FAM149B1: variants seen among roughly 807,000 people sequenced by gnomAD.
FAM149B1 encodes the protein primary cilium assembly protein FAM149B1.
FAM149B1 carries 56 observed loss-of-function variants against 75.3 expected under a neutral mutation model. The observed-to-expected ratio is 0.74, with a 90% CI of 0.60 to 0.93. The LOEUF (loss-of-function observed/expected upper bound fraction) is 0.93. Among genes scored for constraint, FAM149B1 ranks in the 40% least tolerant of loss-of-function variants. FAM149B1 has a pLI of 0.00. For missense variants in FAM149B1, 639 were observed against 708.4 expected, an observed-to-expected ratio of 0.90 and a Z score of 1.11; for synonymous variants, 259 against 256.1, an observed-to-expected ratio of 1.01 and a Z score of -0.11.
intron 2 of FAM149B1, among the ~76,000 whole-genome samples, chr10:73,176,029 T>G (rs1843949132): frequency 6.6e-6 from 1 of 152,130 alleles, no homozygotes; most frequent in African/African-American, 2.4e-5. Context: ...ATTTTTACAT[T>G]GTAATATATG....
intron 10 of FAM149B1, chr10:73,234,183 A>G (rs957577395): frequency 4.6e-5 from 7 of 152,346 alleles, no homozygotes; most frequent in African/African-American, 1.7e-4. Context: ...AAGCATTATT[A>G]TGTGGATGTA....
In FAM149B1 at chr10:73,243,843, C is replaced by G. The variant is rs1461262772; in HGVS notation, c.*2824C>G. 2 of 1,612,280 alleles carry G rather than the reference C, an allele frequency of 1.2e-6. No individual in the cohort carries two copies. The highest frequency in any genetic ancestry group is 2.7e-5 in the African/African-American group (2 of 74,962). On this transcript the variant is annotated 3_prime_UTR_variant, in exon 14 of 14. Transcript: ENST00000242505. ...TGTGGCAACAAACTGCCAAGTTTAC[C>G]TGAATGGCTGCCTTCAGGCTATCCA...
intron 5 of FAM149B1, among the ~76,000 whole-genome samples, chr10:73,204,945 T>TA (rs2043021432): frequency 2.2e-4 from 2 of 9,022 alleles, no homozygotes; most frequent in Admixed American, 1.4e-3. Flanking sequence ...GCCTGGCTAA[T>TA]TTTTTTTTTT....
chr10:73,204,752 A>T (rs1001979098), intron 5 of FAM149B1, among the ~76,000 whole-genome samples: 5 of 150,592 alleles, frequency 3.3e-5, no homozygotes, highest in African/African-American at 1.2e-4. Flanking sequence ...CTTAAGATGT[A>T]ATTATAAATG....
intron 3 of FAM149B1, 30 bp downstream of exon 3, chr10:73,178,005 T>A: frequency 6.6e-7 from 1 of 1,514,578 alleles, no homozygotes; most frequent in Non-Finnish European, 8.8e-7. Context: ...TCTGATAGAG[T>A]GCTTGGGAGA....
intron 4 of FAM149B1, 82 bp from the exon 5 acceptor site, chr10:73,193,395 C>A: frequency 7.1e-7 from 1 of 1,398,856 alleles, no homozygotes; most frequent in Non-Finnish European, 9.6e-7. Context: ...GTTGAGCCAT[C>A]AAATGTGTCC....
At chr10:73,215,460 G>A (rs759937829) in intron 7 of FAM149B1, among the ~76,000 whole-genome samples, 15 of 152,014 alleles carry the variant, frequency 9.9e-5, no homozygotes, top group South Asian at 2.1e-4. Context: ...GGCCTCAAGC[G>A]ATTCTCCTGC....
At chr10:73,232,585 A>G (rs1434998561) in intron 9 of FAM149B1, among the ~76,000 whole-genome samples, 1 of 152,264 alleles carries the variant, frequency 6.6e-6, no homozygotes, top group Non-Finnish European at 1.5e-5. Context: ...AGTAGGAATC[A>G]GCCCCTGTGG....
intron 4 of FAM149B1, 81 bp downstream of exon 4, chr10:73,192,779 C>T: frequency 7.8e-7 from 1 of 1,280,846 alleles, no homozygotes; most frequent in Non-Finnish European, 1.0e-6. Context: ...AGCTTGTATT[C>T]TGAAATCTTT....
intron 3 of FAM149B1, among the ~76,000 whole-genome samples, chr10:73,178,989 G>A (rs1016324673): frequency 3.3e-5 from 5 of 151,086 alleles, no homozygotes; most frequent in East Asian, 1.9e-4. Context: ...TTTTTGGAAC[G>A]GAGTCTCGCT....
At chr10:73,196,877 T>C (rs1277199071) in intron 5 of FAM149B1, among the ~76,000 whole-genome samples, 1 of 152,218 alleles carries the variant, frequency 6.6e-6, no homozygotes, top group Non-Finnish European at 1.5e-5. Flanking sequence ...TAGGAGTTCT[T>C]GGGCCAGAAG....
intron 5 of FAM149B1, among the ~76,000 whole-genome samples, chr10:73,205,564 G>GT (rs1287572655): frequency 6.6e-6 from 1 of 151,356 alleles, no homozygotes; most frequent in Non-Finnish European, 1.5e-5. Context: ...GTTTTTTTGG[G>GT]TTTTTTTGAG....
chr10:73,187,559 G>A (rs1314597559), intron 3 of FAM149B1, among the ~76,000 whole-genome samples: 8 of 151,502 alleles, frequency 5.3e-5, no homozygotes, highest in East Asian at 1.9e-4. Context: ...GAGAAACCCC[G>A]TCTCTACTAA....
At chr10:73,170,486 A>G (rs1843667709) in intron 1 of FAM149B1, among the ~76,000 whole-genome samples, 1 of 152,212 alleles carries the variant, frequency 6.6e-6, no homozygotes, top group South Asian at 2.1e-4. Flanking sequence ...CCTGGGTGAC[A>G]GAGGAAGACT....
At chr10:73,215,980 T>C (rs1282612139) in intron 7 of FAM149B1, among the ~76,000 whole-genome samples, 1 of 152,240 alleles carries the variant, frequency 6.6e-6, no homozygotes, top group Admixed American at 6.5e-5. Flanking sequence ...CTTTGCTCTG[T>C]CTAGTGCTGT....
At position 73,243,799 on chromosome 10, in the gene FAM149B1, G is replaced by A. The variant is rs779338360; in HGVS notation, c.*2780G>A. ...CATTCCAAAGAAAATATTAGCAGTA[G>A]GAATCAGATCATTAAAGATGTGGCA... is the stretch of plus-strand genomic sequence containing the variant. On this transcript the variant is annotated 3_prime_UTR_variant, in exon 14 of 14. Coordinates refer to ENST00000242505, the MANE Select transcript of FAM149B1 (RefSeq NM_173348.2). 4.0e-6 allele frequency: 6 copies of A among 1,508,822 alleles called. No individual in the cohort carries two copies. The highest frequency in any genetic ancestry group is 2.8e-5 in the African/African-American group (2 of 72,168). The allele number at this position is 1,508,822 out of a possible 1,614,324, so 93.5% of individuals were successfully genotyped here.
chr10:73,209,303 C>G (rs2043134495), intron 6 of FAM149B1, among the ~76,000 whole-genome samples: 1 of 152,122 alleles, frequency 6.6e-6, no homozygotes, highest in South Asian at 2.1e-4. Context: ...ACAAAATTAG[C>G]TGGGCATGGT....
chr10:73,234,786 A>G (rs1188083730), intron 10 of FAM149B1, 31 bp from the exon 11 acceptor site: 6 of 1,549,752 alleles, frequency 3.9e-6, no homozygotes, highest in Admixed American at 3.9e-5. Flanking sequence ...TCATGCTTTC[A>G]TACCTTCGTG....
chr10:73,207,103 A>C (rs1448259162), intron 5 of FAM149B1, among the ~76,000 whole-genome samples: 1 of 152,174 alleles, frequency 6.6e-6, no homozygotes, highest in African/African-American at 2.4e-5. Context: ...GCAGGGGTGG[A>C]GTCCTCACAG....
Sources: gnomAD v4.1 joint callset for allele counts (sites outside exome capture counted in the v4.1 genomes callset) on GRCh38, gnomAD v4.1.1 for gene constraint, MANE v1.5 for transcripts, NCBI Gene and HGNC (gene_info 2026-07-23, HGNC 2026-07-21) for gene names.